The following P2RY12 variants were observed in gnomAD, a reference collection of about 807,000 sequenced individuals.
The protein encoded by P2RY12 is P2Y purinoceptor 12.
A neutral mutation model predicts 4.5 loss-of-function variants in P2RY12; 3 were observed. The ratio of observed to expected loss-of-function variants is 0.67; its 90% CI spans 0.31 to 1.74. The LOEUF is 1.74. Among genes scored for constraint, P2RY12 ranks in the 40% most tolerant of loss-of-function variants. The pLI, the probability that P2RY12 is intolerant of heterozygous loss-of-function variation, is 0.09. For synonymous variants in P2RY12, 148 were observed against 154.1 expected, an observed-to-expected ratio of 0.96 and a Z score of 0.29; for missense variants, 356 against 407.8, an observed-to-expected ratio of 0.87 and a Z score of 1.09.
Position 151,358,984 on chromosome 3 carries a change from G to A in P2RY12, c.-179-18224C>T, listed in dbSNP as rs567608278. ...GATTTATTACAGGTTTATTACAAAGGTATATTGCTTGGTGCTGAGGTTTCA... is the reference window on the plus strand; with the variant it reads ...GATTTATTACAGGTTTATTACAAAGATATATTGCTTGGTGCTGAGGTTTCA... On this transcript the variant is annotated intron_variant, in intron 1 of 2. Coordinates refer to ENST00000302632, the MANE Select transcript of P2RY12 (RefSeq NM_022788.5). 1.4e-4 allele frequency among the ~76,000 whole-genome samples: 22 copies of A among 152,206 alleles called. No individual in the cohort carries two copies. In the South Asian group the frequency reaches 2.3e-3, roughly 16 times the overall value.
chr3:151,342,310 CTTCTG>C (rs370809942), intron 1 of P2RY12, among the ~76,000 whole-genome samples: 20 of 152,330 alleles, frequency 1.3e-4, no homozygotes, highest in African/African-American at 4.8e-4. Context: ...CTGCAGTGTC[CTTCTG>C]TTATCAGTGG....
At chr3:151,368,142 T>G (rs1287798221) in intron 1 of P2RY12, 22 of 1,612,512 alleles carry the variant, frequency 1.4e-5, no homozygotes, top group Non-Finnish European at 1.8e-5. Context: ...CCAATCCCCC[T>G]TTCCTAGCTT....
chr3:151,345,658 T>C (rs533650251), intron 1 of P2RY12, among the ~76,000 whole-genome samples: 5 of 151,542 alleles, frequency 3.3e-5, no homozygotes, highest in Non-Finnish European at 7.4e-5. Context: ...GCTGAAATTA[T>C]AGGCACCTGC....
rs2149923525 is a variant in P2RY12 at position 151,337,377 on chromosome 3, G to A, written c.*440C>T. The A allele has an allele frequency of 6.2e-6, 1 of 160,802 alleles. No homozygotes were observed. Among genetic ancestry groups the A allele is most frequent in the African/African-American group, 2.4e-5 (1 of 41,546 alleles). The allele number at this position is 160,802 out of a possible 1,614,324, so 10.0% of individuals were successfully genotyped here. ...TCCCAATAGGTCAGGATTTGGTTAGGGGACTAGGATATATATACATTTTAA... is the reference window on the plus strand; with the variant it reads ...TCCCAATAGGTCAGGATTTGGTTAGAGGACTAGGATATATATACATTTTAA... On this transcript the variant is annotated 3_prime_UTR_variant, in exon 3 of 3. Coordinates refer to ENST00000302632, the MANE Select transcript of P2RY12 (RefSeq NM_022788.5).
intron 1 of P2RY12, among the ~76,000 whole-genome samples, chr3:151,358,337 T>G (rs1274365801): frequency 6.6e-6 from 1 of 152,114 alleles, no homozygotes. Flanking sequence ...GTATAAAGTT[T>G]GAATTTAGTA....
At chr3:151,350,775 GTCT>G (rs1469673556) in intron 1 of P2RY12, among the ~76,000 whole-genome samples, 1 of 152,138 alleles carries the variant, frequency 6.6e-6, no homozygotes, top group Non-Finnish European at 1.5e-5. Context: ...GCTCTATAAT[GTCT>G]TCTTTAGTTG....
chr3:151,370,297 G>A (rs1273532860), intron 1 of P2RY12, among the ~76,000 whole-genome samples: 1 of 151,994 alleles, frequency 6.6e-6, no homozygotes, highest in Non-Finnish European at 1.5e-5. Context: ...CCTTCTTTTG[G>A]TCTTGACTCT....
Position 151,381,680 on chromosome 3 carries a change from C to T in P2RY12, c.-180+3012G>A, listed in dbSNP as rs147042698. 1.8e-4 allele frequency among the ~76,000 whole-genome samples: 28 copies of T among 152,330 alleles called. No homozygotes were observed. In the East Asian group the frequency reaches 5.2e-3, roughly 28 times the overall value. ...ATAGGACCACAGCCATTCTGTATGCCATTGCCATGCCTCAAACCACTTGTT... is the reference window on the plus strand; with the variant it reads ...ATAGGACCACAGCCATTCTGTATGCTATTGCCATGCCTCAAACCACTTGTT... On this transcript the variant is annotated intron_variant, in intron 1 of 2. Transcript: ENST00000302632.
At chr3:151,376,731 C>T in intron 1 of P2RY12, 1 of 1,255,012 alleles carries the variant, frequency 8.0e-7, no homozygotes, top group South Asian at 1.2e-5. Flanking sequence ...AGAAGGAGTA[C>T]TGTAAGAAAT....
At chr3:151,365,019 G>A in intron 1 of P2RY12, 6 of 1,613,892 alleles carry the variant, frequency 3.7e-6, no homozygotes, top group Non-Finnish European at 3.4e-6. Flanking sequence ...ATATAATAAC[G>A]TGATGCCTGC....
chr3:151,370,035 C>G (rs934084753), intron 1 of P2RY12, among the ~76,000 whole-genome samples: 1 of 151,900 alleles, frequency 6.6e-6, no homozygotes, highest in Admixed American at 6.6e-5. Context: ...TTTTGATGAC[C>G]CAGGCAATAG....
intron 1 of P2RY12, among the ~76,000 whole-genome samples, chr3:151,366,636 A>G (rs921117808): frequency 1.3e-5 from 2 of 152,082 alleles, no homozygotes; most frequent in African/African-American, 2.4e-5. Context: ...TTTGTCGTAC[A>G]CTAGTATCTC....
At chr3:151,380,323 G>A (rs1241878559) in intron 1 of P2RY12, 13 of 796,418 alleles carry the variant, frequency 1.6e-5, no homozygotes, top group African/African-American at 7.3e-5. Flanking sequence ...AGGGCCAGGT[G>A]TGGTGGCTCA....
At chr3:151,380,152 A>G (rs1473132042) in intron 1 of P2RY12, 2 of 1,608,194 alleles carry the variant, frequency 1.2e-6, no homozygotes. Context: ...TCTCACTGGT[A>G]CTTACCTGCC....
At chr3:151,369,405 T>G in intron 1 of P2RY12, 8 of 1,423,176 alleles carry the variant, frequency 5.6e-6, no homozygotes, top group East Asian at 2.3e-5. Context: ...ATGATGGTAA[T>G]GAGACTATTA....
intron 1 of P2RY12, among the ~76,000 whole-genome samples, chr3:151,353,996 C>T (rs1337389875): frequency 8.2e-6 from 1 of 121,366 alleles, no homozygotes; most frequent in Non-Finnish European, 1.6e-5. Flanking sequence ...AAAAAATTAG[C>T]CGGGCGTAGT....
intron 1 of P2RY12, among the ~76,000 whole-genome samples, chr3:151,362,711 C>T (rs1754763599): frequency 6.6e-6 from 1 of 151,188 alleles, no homozygotes; most frequent in Admixed American, 6.6e-5. Flanking sequence ...TCTTAGTAGG[C>T]ACTGAAAAAA....
chr3:151,383,372 A>G (rs1293804042), intron 1 of P2RY12, among the ~76,000 whole-genome samples: 1 of 152,208 alleles, frequency 6.6e-6, no homozygotes, highest in Non-Finnish European at 1.5e-5. Flanking sequence ...ATATGGTATT[A>G]TGATAGCAGG....
At chr3:151,367,159 A>G (rs1755387174) in intron 1 of P2RY12, among the ~76,000 whole-genome samples, 1 of 152,128 alleles carries the variant, frequency 6.6e-6, no homozygotes, top group Non-Finnish European at 1.5e-5. Flanking sequence ...GGAAACTTTC[A>G]GAGTTGTTTT....
Sources: allele counts gnomAD v4.1 joint callset (sites outside exome capture counted in the v4.1 genomes callset), GRCh38; gene constraint gnomAD v4.1.1; transcripts MANE v1.5; gene names NCBI Gene and HGNC (gene_info 2026-07-23, HGNC 2026-07-21).